The following SRCIN1 variants were observed in gnomAD, a reference collection of about 807,000 sequenced individuals.
SRCIN1 encodes P130Cas-associated protein.
A neutral mutation model predicts 116.2 loss-of-function variants in SRCIN1; 50 were observed. That is an observed-to-expected ratio of 0.43 (90% CI 0.34 to 0.54). The LOEUF (loss-of-function observed/expected upper bound fraction) is 0.54. Ranked by LOEUF, SRCIN1 falls within the 20% of genes least tolerant of loss-of-function variation. SRCIN1 has a pLI of 0.02. For missense variants in SRCIN1, 1,446 were observed against 1,672.0 expected, an observed-to-expected ratio of 0.86 and a Z score of 2.36; for synonymous variants, 736 against 750.0, an observed-to-expected ratio of 0.98 and a Z score of 0.30.
chr17:38,562,748 G>C lies in SRCIN1; in HGVS notation c.834+79C>G. 1 of 1,314,578 alleles carries C rather than the reference G, an allele frequency of 7.6e-7. No homozygotes were observed. The highest frequency in any genetic ancestry group is 2.4e-5 in the East Asian group (1 of 41,150). 81.4% of individuals were successfully genotyped at this position (1,314,578 alleles called of 1,614,324 possible). Reference sequence around the variant, plus strand: ...TTCTCCAAAGCTGGCCCTGGTTCCAGATGACAACTGCCCAGACCCTGCTCC... The same window carrying C: ...TTCTCCAAAGCTGGCCCTGGTTCCACATGACAACTGCCCAGACCCTGCTCC... On this transcript the variant is annotated intron_variant, in intron 6 of 18. Coordinates refer to ENST00000617146, the MANE Select transcript of SRCIN1 (RefSeq NM_025248.3). This position sits in a 1 kb window ranked among gnomAD's most constrained non-coding sequence, Gnocchi z 4.2.
intron 1 of SRCIN1, among the ~76,000 whole-genome samples, chr17:38,592,864 C>A (rs1908513943): frequency 1.3e-5 from 2 of 151,960 alleles, no homozygotes; most frequent in African/African-American, 2.4e-5. Context: ...GGTTTTATTT[C>A]TTTGAATTTT....
chr17:38,571,570 G>A (rs566594744), intron 2 of SRCIN1, among the ~76,000 whole-genome samples: 24 of 152,262 alleles, frequency 1.6e-4, no homozygotes, highest in African/African-American at 5.8e-4. Flanking sequence ...CAGTGCCAAA[G>A]CTGTCTCCCT....
chr17:38,537,047 G>A (rs1267785967), intron 18 of SRCIN1, among the ~76,000 whole-genome samples: 1 of 152,046 alleles, frequency 6.6e-6, no homozygotes. Flanking sequence ...GCGTGGTGGC[G>A]TGCACCTGTA....
chr17:38,530,485 G>A lies in SRCIN1; in HGVS notation c.*2812C>T, dbSNP rs139690578. On this transcript the variant is annotated 3_prime_UTR_variant, in exon 19 of 19. Transcript: ENST00000617146. ...AGCACACACTGATGGACAGAGCAGC[G>A]AGGCGCATGCAGCTGGGGGCACTGA... 0.026 allele frequency: 3,954 copies of A among 152,656 alleles called. 69 individuals are homozygous for A. The highest frequency in any genetic ancestry group is 0.045 in the South Asian group (216 of 4,816). The allele number at this position is 152,656 out of a possible 1,614,324, so 9.5% of individuals were successfully genotyped here.
At chr17:38,564,342 C>A in intron 3 of SRCIN1, 29 bp from the exon 4 acceptor site, 2 of 1,495,312 alleles carry the variant, frequency 1.3e-6, no homozygotes, top group African/African-American at 1.5e-5. Context: ...GTGAGAGGAA[C>A]CAAGGATGAG....
rs539151071 is a variant in SRCIN1 at position 38,594,670 on chromosome 17, G to T, written c.22+11014C>A. 3.3e-5 allele frequency among the ~76,000 whole-genome samples: 5 copies of T among 151,920 alleles called. No individual in the cohort carries two copies. In the South Asian group the frequency reaches 1.1e-3, roughly 32 times the overall value. On this transcript the variant is annotated intron_variant, in intron 1 of 18. Transcript: ENST00000617146. ...TCTTCTCAACAATGCTGCCTGGGAG[G>T]TGTTCTTGTACCACTTTACAGGCAC...
chr17:38,550,869 C>G (rs1422550694), intron 15 of SRCIN1, among the ~76,000 whole-genome samples: 1 of 152,250 alleles, frequency 6.6e-6, no homozygotes, highest in African/African-American at 2.4e-5. Context: ...GGCATGTGCC[C>G]AGCCAAGCCG....
Position 38,548,601 on chromosome 17 carries a change from T to C in SRCIN1, c.3226A>G (p.Ile1076Val). Reference sequence around the variant, plus strand: ...CGATCCTCGTCATCCTCGTCCTTGATGGCCGAGGCCATGATGGGTGGTGTG... The same window carrying C: ...CGATCCTCGTCATCCTCGTCCTTGACGGCCGAGGCCATGATGGGTGGTGTG... ...ASTPPIMASAIKDEDDEDRII... is the reference protein window; with the variant it reads ...ASTPPIMASAVKDEDDEDRII... Residue 1076 changes from isoleucine (I) to valine (V), a missense_variant, in exon 17 of 19, where the codon ATC becomes GTC. By Grantham distance (29) the Ile-to-Val change is conservative (BLOSUM62 3). This residue lies in a region of SRCIN1 where 531 missense variants were observed against 633.9 expected (regional missense o/e 0.84). Transcript: ENST00000617146. The C allele has an allele frequency of 1.2e-6, 2 of 1,613,098 alleles. No homozygotes were observed. The highest frequency in any genetic ancestry group is 2.2e-5 in the South Asian group (2 of 91,082).
chr17:38,558,374 A>C lies in SRCIN1; in HGVS notation c.2054T>G (p.Leu685Arg). 1 of 1,605,532 alleles carries C rather than the reference A, an allele frequency of 6.2e-7. No homozygotes were observed. The highest frequency in any genetic ancestry group is 8.5e-7 in the Non-Finnish European group (1 of 1,179,264). ...CAGCTCTGCCTCCGTGCGCTTCAGC[A>C]GCGCGCGCACCGACTCCTGGTTCTG... Reference protein sequence around the residue: ...QLQNQESVRALLKRTEAELSM... With the variant: ...QLQNQESVRARLKRTEAELSM... Residue 685 changes from leucine (L) to arginine (R), a missense_variant, in exon 11 of 19, where the codon CTG becomes CGG. This residue lies in a region of SRCIN1 where 398 missense variants were observed against 385.6 expected (regional missense o/e 1.03). Transcript: ENST00000617146. The surrounding 1 kb of genome is among the most constrained non-coding windows in gnomAD (Gnocchi z 4.6).
chr17:38,577,811 G>T (rs999669943), intron 2 of SRCIN1, among the ~76,000 whole-genome samples: 1 of 152,176 alleles, frequency 6.6e-6, no homozygotes, highest in African/African-American at 2.4e-5. Flanking sequence ...CATCCCACTC[G>T]CTATAGAAGG....
Position 38,578,590 on chromosome 17 carries a change from T to C in SRCIN1, c.224A>G (p.Asp75Gly). Residue 75 changes from aspartate to glycine, a missense_variant, in exon 2 of 19, where the codon GAC becomes GGC. Around this residue, in one of 5 missense-constraint regions of SRCIN1, gnomAD observed 246 missense variants for 265.1 expected, o/e 0.93. Transcript: ENST00000617146. ...LEALSGLQKA[D>G]ADRKRDAFMD... ...GAAGGCATCACGCTTGCGGTCGGCG[T>C]CCGCCTTCTGGAGCCCGCTGAGCGC... is the stretch of plus-strand genomic sequence containing the variant. 6.2e-7 allele frequency: 1 copy of C among 1,611,904 alleles called. No individual in the cohort carries two copies. Among genetic ancestry groups the C allele is most frequent in the Non-Finnish European group, 8.5e-7 (1 of 1,178,988 alleles).
In SRCIN1 at chr17:38,562,836, C is replaced by G; in HGVS notation, c.825G>C (p.Gly275=). ...AAFPGSHLTN[G]DLRREMVYAS... is the part of the protein sequence containing the mutation. The stretch of plus-strand genomic sequence containing the variant: ...GCATGCCCAGCCATACCCGGAGGTC[C>G]CCGTTGGTGAGATGTGAGCCAGGGA... Residue 275 remains glycine, a synonymous_variant, in exon 6 of 19, where the codon GGG becomes GGC. Transcript: ENST00000617146. This position sits in a 1 kb window ranked among gnomAD's most constrained non-coding sequence, Gnocchi z 4.2. 1 of 1,613,688 alleles carries G rather than the reference C, an allele frequency of 6.2e-7. No homozygotes were observed. Among genetic ancestry groups the G allele is most frequent in the African/African-American group, 1.3e-5 (1 of 75,036 alleles).
chr17:38,579,096 T>C (rs1298317725), intron 1 of SRCIN1, among the ~76,000 whole-genome samples: 1 of 152,184 alleles, frequency 6.6e-6, no homozygotes, highest in African/African-American at 2.4e-5. Context: ...GGCCAAGGGT[T>C]GGGGGTTTGG....
chr17:38,601,120 AG>A (rs1190175779), intron 1 of SRCIN1: 1 of 152,372 alleles, frequency 6.6e-6, no homozygotes, highest in African/African-American at 2.4e-5. Flanking sequence ...CTTGGAGATC[AG>A]CCAGCCCACG....
rs183543035 is a variant in SRCIN1, at chr17:38,603,162, G to T, written c.22+2522C>A. Among the ~76,000 whole-genome samples, 27 of 152,184 alleles carry T rather than the reference G, an allele frequency of 1.8e-4. No homozygotes were observed. The East Asian group carries it at 4.6e-3, about 26-fold the overall frequency. The stretch of plus-strand genomic sequence containing the variant: ...ACCCTTTTTCCAGGGTGGGTCCCTG[G>T]CGAGAGAGAGGGAAGAGGGAGAGAG... On this transcript the variant is annotated intron_variant, in intron 1 of 18. Coordinates refer to ENST00000617146, the MANE Select transcript of SRCIN1 (RefSeq NM_025248.3).
At chr17:38,586,917 C>T (rs1256403164) in intron 1 of SRCIN1, among the ~76,000 whole-genome samples, 1 of 152,014 alleles carries the variant, frequency 6.6e-6, no homozygotes, top group Non-Finnish European at 1.5e-5. Flanking sequence ...GGGGCCTGGG[C>T]CCTGGCTGCT....
chr17:38,605,960 CGCGGGCCGGCGCGGGT>C (rs1909340143), upstream of SRCIN1: 1 of 142,828 alleles, frequency 7.0e-6, no homozygotes, highest in Admixed American at 6.9e-5. Flanking sequence ...TCTGCGCGCG[CGCGGGCCGGCGCGGGT>C]GTGTCACTGC....
intron 9 of SRCIN1, 105 bp downstream of exon 9, chr17:38,559,949 C>G: frequency 6.6e-6 from 9 of 1,358,712 alleles, no homozygotes; most frequent in Non-Finnish European, 9.3e-6. Context: ...GGAAAAAGAC[C>G]TCTTGGGCTA....
chr17:38,603,697 C>T (rs1187735260), intron 1 of SRCIN1, among the ~76,000 whole-genome samples: 1 of 152,022 alleles, frequency 6.6e-6, no homozygotes, highest in Non-Finnish European at 1.5e-5. Context: ...CACTTGCTGC[C>T]AGTGGTGCCT....
Sources: allele counts gnomAD v4.1 joint callset (sites outside exome capture counted in the v4.1 genomes callset), GRCh38; gene constraint gnomAD v4.1.1; regional missense constraint gnomAD v4.1.1; non-coding constraint Gnocchi (gnomAD v3.1); transcripts MANE v1.5; gene names NCBI Gene and HGNC (gene_info 2026-07-23, HGNC 2026-07-21).